Variants in PCDH7 observed in about 807,000 individuals in gnomAD.
PCDH7 encodes the protein protocadherin 7, also known as protocadherin-7.
PCDH7 carries 17 observed loss-of-function variants against 58.9 expected under a neutral mutation model. That is an observed-to-expected ratio of 0.29 (90% CI 0.20 to 0.43). The LOEUF (loss-of-function observed/expected upper bound fraction) is 0.43, where lower values mean the gene tolerates loss of function less well. PCDH7 is among the 20% of genes least tolerant of loss of function. The probability of loss-of-function intolerance (pLI) is 1.00; values close to 1 mark genes in which losing one functional copy is unlikely to be tolerated. For synonymous variants in PCDH7, 664 were observed against 616.4 expected, an observed-to-expected ratio of 1.08 and a Z score of -1.14; for missense variants, 1,274 against 1,441.0, an observed-to-expected ratio of 0.88 and a Z score of 1.88.
chr4:31,028,889 A>G lies in PCDH7; in HGVS notation c.*7+78674A>G, dbSNP rs191880296. On this transcript the variant is annotated intron_variant, in intron 3 of 3. Coordinates refer to the PCDH7 transcript ENST00000509759. The stretch of plus-strand genomic sequence containing the variant: ...GAAAAACAAATTATTGTGTCATAAA[A>G]GCGATTATCCCAGTAATGAGGAGCA... Among the ~76,000 whole-genome samples the G allele has an allele frequency of 1.5e-3, 236 of 152,290 alleles. 2 individuals carry two copies. Among genetic ancestry groups the G allele is most frequent in the African/African-American group, 5.4e-3 (224 of 41,562 alleles).
At chr4:31,032,272 G>A (rs1392212263) in intron 3 of PCDH7, among the ~76,000 whole-genome samples, 6 of 151,954 alleles carry the variant, frequency 3.9e-5, no homozygotes, top group Non-Finnish European at 5.9e-5. Context: ...CTTTTTCAAC[G>A]CCAAAATAAC....
At chr4:30,928,852 G>A (rs892434476) in intron 2 of PCDH7, among the ~76,000 whole-genome samples, 1 of 151,906 alleles carries the variant, frequency 6.6e-6, no homozygotes, top group Non-Finnish European at 1.5e-5. Context: ...CAGATTATTT[G>A]TTTTATTTTT....
intron 3 of PCDH7, among the ~76,000 whole-genome samples, chr4:31,116,560 A>G (rs141967120): frequency 2.4e-3 from 367 of 152,318 alleles, no homozygotes; most frequent in African/African-American, 7.5e-3. Context: ...GGGCTGCTTG[A>G]GAAACCCTAT....
intron 3 of PCDH7, among the ~76,000 whole-genome samples, chr4:30,963,241 A>G (rs1207630654): frequency 2.0e-5 from 3 of 152,218 alleles, no homozygotes; most frequent in Non-Finnish European, 4.4e-5. Context: ...CTGTATGTTG[A>G]CTAAGCATAT....
intron 1 of PCDH7, among the ~76,000 whole-genome samples, chr4:30,864,046 A>G (rs1386527765): frequency 6.6e-6 from 1 of 152,166 alleles, no homozygotes; most frequent in Non-Finnish European, 1.5e-5. Context: ...GGCTCAATAC[A>G]GTGCACAAAA....
rs561466847 is a variant in PCDH7, at chr4:31,018,459, A to G, written c.*7+68244A>G. 3.3e-5 allele frequency among the ~76,000 whole-genome samples: 5 copies of G among 152,270 alleles called. No homozygotes were observed. The East Asian group carries it at 7.7e-4, about 23-fold the overall frequency. On this transcript the variant is annotated intron_variant, in intron 3 of 3. Transcript: ENST00000509759. ...ATTTACCTGGCATGTACCTGTCTCTATATCAACATCTTTCAATTCAGGACC... is the reference window on the plus strand; with the variant it reads ...ATTTACCTGGCATGTACCTGTCTCTGTATCAACATCTTTCAATTCAGGACC...
intron 1 of PCDH7, among the ~76,000 whole-genome samples, chr4:30,787,866 C>A (rs1447087747): frequency 6.6e-6 from 1 of 152,114 alleles, no homozygotes; most frequent in African/African-American, 2.4e-5. Flanking sequence ...GTAGAGTAAA[C>A]TGTCTTAAGC....
In PCDH7 at chr4:30,723,180, C is replaced by T. The variant is rs929671350; in HGVS notation, c.1758C>T (p.Pro586=). The change falls in exon 1 of 2, where the codon CCC becomes CCT. Residue 586 remains proline, a synonymous_variant. Coordinates refer to ENST00000361762, the Ensembl canonical transcript of PCDH7. This position sits in a 1 kb window ranked among gnomAD's most constrained non-coding sequence, Gnocchi z 4.6. Reference sequence around the variant, plus strand: ...TGATGGGGATCTTTGCCATCGATCCCGATTCTGGGGACATCCTGGTCAATA... The same window carrying T: ...TGATGGGGATCTTTGCCATCGATCCTGATTCTGGGGACATCCTGGTCAATA... The T allele has an allele frequency of 1.2e-6, 2 of 1,614,064 alleles. No individual in the cohort carries two copies. Among genetic ancestry groups the T allele is most frequent in the Non-Finnish European group, 1.7e-6 (2 of 1,180,028 alleles).
chr4:30,851,031 T>C (rs1027602038), intron 1 of PCDH7, among the ~76,000 whole-genome samples: 1 of 152,092 alleles, frequency 6.6e-6, no homozygotes, highest in African/African-American at 2.4e-5. Context: ...GGAAATTCTT[T>C]GTAAAATTTT....
chr4:30,740,383 A>G (rs1331852048), intron 1 of PCDH7, among the ~76,000 whole-genome samples: 1 of 152,222 alleles, frequency 6.6e-6, no homozygotes, highest in Non-Finnish European at 1.5e-5. Context: ...GCAAAACAAA[A>G]GATGGGAAGA....
At chr4:30,983,198 C>A (rs1750713601) in intron 3 of PCDH7, among the ~76,000 whole-genome samples, 1 of 152,182 alleles carries the variant, frequency 6.6e-6, no homozygotes, top group Non-Finnish European at 1.5e-5. Context: ...TCTAAGTAAT[C>A]ATACATACAC....
chr4:30,981,450 G>A (rs1025066793), intron 3 of PCDH7, among the ~76,000 whole-genome samples: 3 of 152,150 alleles, frequency 2.0e-5, no homozygotes, highest in Admixed American at 2.0e-4. Flanking sequence ...GGTAGCACAT[G>A]AAGCTTTGAG....
intron 3 of PCDH7, among the ~76,000 whole-genome samples, chr4:30,994,220 T>C (rs1012685246): frequency 2.6e-5 from 4 of 152,176 alleles, no homozygotes; most frequent in Non-Finnish European, 5.9e-5. Context: ...ATTTTTGCCT[T>C]TATGTAAATT....
At chr4:31,120,678 G>T (rs755371478) in intron 3 of PCDH7, among the ~76,000 whole-genome samples, 14 of 152,128 alleles carry the variant, frequency 9.2e-5, no homozygotes, top group Admixed American at 3.3e-4. Flanking sequence ...AAATAAAGAT[G>T]CAGTGGCTAA....
chr4:30,948,506 G>A (rs191648416), intron 2 of PCDH7, among the ~76,000 whole-genome samples: 62 of 152,064 alleles, frequency 4.1e-4, no homozygotes, highest in African/African-American at 1.3e-3. Flanking sequence ...GAAATGCAGA[G>A]GTTTTAACTT....
intron 2 of PCDH7, among the ~76,000 whole-genome samples, chr4:30,943,331 C>T (rs182893230): frequency 5.9e-5 from 9 of 152,168 alleles, no homozygotes; most frequent in Non-Finnish European, 7.4e-5. Flanking sequence ...TTAACTGTCA[C>T]GTGAAAATAC....
intron 3 of PCDH7, among the ~76,000 whole-genome samples, chr4:31,025,308 G>A (rs895524827): frequency 6.6e-6 from 1 of 152,134 alleles, no homozygotes; most frequent in African/African-American, 2.4e-5. Context: ...TTTTAGCTAC[G>A]AAAAGCTAAA....
chr4:31,121,250 T>A (rs1717659144), intron 3 of PCDH7, among the ~76,000 whole-genome samples: 1 of 152,184 alleles, frequency 6.6e-6, no homozygotes, highest in African/African-American at 2.4e-5. Flanking sequence ...AATACAATAT[T>A]CACTTAAGAC....
intron 1 of PCDH7, among the ~76,000 whole-genome samples, chr4:30,757,886 A>T (rs973562641): frequency 2.0e-5 from 3 of 152,202 alleles, no homozygotes; most frequent in Non-Finnish European, 4.4e-5. Flanking sequence ...GAAAGCAACA[A>T]ACATTCATAT....
Sources: allele counts gnomAD v4.1 joint callset (sites outside exome capture counted in the v4.1 genomes callset), GRCh38; gene constraint gnomAD v4.1.1; non-coding constraint Gnocchi (gnomAD v3.1); transcripts MANE v1.5; gene names NCBI Gene and HGNC (gene_info 2026-07-23, HGNC 2026-07-21).